The following TMOD2 variants were observed in gnomAD, a reference collection of about 807,000 sequenced individuals.
The protein encoded by TMOD2 is tropomodulin-2.
In TMOD2, 22 loss-of-function variants were observed where a neutral mutation model predicts 39.9. That is an observed-to-expected ratio of 0.55 (90% CI 0.39 to 0.79). The LOEUF is 0.79. Among genes scored for constraint, TMOD2 ranks in the 30% least tolerant of loss-of-function variants. The probability of loss-of-function intolerance (pLI) is 0.00; values close to 1 mark genes in which losing one functional copy is unlikely to be tolerated. For missense variants in TMOD2, 386 were observed against 413.3 expected (o/e 0.93, Z 0.57); for synonymous variants, 123 against 146.1 (o/e 0.84, Z 1.14).
chr15:51,812,905 C>T lies in TMOD2; in HGVS notation c.*4451C>T, dbSNP rs879525455. 6.6e-6 allele frequency: 1 copy of T among 152,164 alleles called. No individual in the cohort carries two copies. The highest frequency in any genetic ancestry group is 6.6e-5 in the Admixed American group (1 of 15,252). The allele number at this position is 152,164 out of a possible 1,614,324, so 9.4% of individuals were successfully genotyped here. On this transcript the variant is annotated 3_prime_UTR_variant, in exon 10 of 10. Transcript: ENST00000249700. ...CTCTTATTGCTTTCATCTCAAATAT[C>T]CCTGCTACTCAACCAATCCTAAAGC... is the stretch of plus-strand genomic sequence containing the variant.
chr15:51,755,307 C>A (rs966317547), intron 1 of TMOD2, among the ~76,000 whole-genome samples: 1 of 152,226 alleles, frequency 6.6e-6, no homozygotes, highest in African/African-American at 2.4e-5. Flanking sequence ...TTCAGCACAA[C>A]CTTCCTTAAA....
intron 5 of TMOD2, 99 bp downstream of exon 5, chr15:51,777,117 T>C: frequency 1.0e-6 from 1 of 983,724 alleles, no homozygotes; most frequent in Non-Finnish European, 1.6e-6. Flanking sequence ...TTACACTCTG[T>C]CATTTTGCTA....
chr15:51,770,205 T>A (rs1239594219), intron 3 of TMOD2, among the ~76,000 whole-genome samples: 1 of 152,154 alleles, frequency 6.6e-6, no homozygotes, highest in African/African-American at 2.4e-5. Flanking sequence ...CCTGCTGAGT[T>A]CTTTTCCTCT....
chr15:51,771,737 T>C (rs548509809), intron 3 of TMOD2, among the ~76,000 whole-genome samples: 2 of 152,272 alleles, frequency 1.3e-5, no homozygotes, highest in South Asian at 2.1e-4. Flanking sequence ...AGAAAGAAAA[T>C]GTTTCAGGCC....
chr15:51,808,827 A>G lies in TMOD2; in HGVS notation c.*373A>G, dbSNP rs1213591138. The stretch of plus-strand genomic sequence containing the variant: ...ATATGTGTTTGTAACTGTGATTATG[A>G]TAGAGGCCTATCTCTGTTTACATGC... On this transcript the variant is annotated 3_prime_UTR_variant, in exon 10 of 10. Transcript: ENST00000249700. 1.2e-5 allele frequency: 2 copies of G among 173,450 alleles called. No individual in the cohort carries two copies. Among genetic ancestry groups the G allele is most frequent in the Non-Finnish European group, 2.5e-5 (2 of 81,280 alleles). The allele number at this position is 173,450 out of a possible 1,614,324, so 10.7% of individuals were successfully genotyped here.
At chr15:51,780,546 T>C (rs2055922655) in intron 5 of TMOD2, among the ~76,000 whole-genome samples, 1 of 152,214 alleles carries the variant, frequency 6.6e-6, no homozygotes, top group Admixed American at 6.5e-5. Flanking sequence ...ATTCTTCCAT[T>C]CTTCTTTTTT....
Position 51,782,784 on chromosome 15 carries a change from A to T in TMOD2, c.688A>T (p.Lys230Ter). 1 of 1,614,076 alleles carries T rather than the reference A, an allele frequency of 6.2e-7. No homozygotes were observed. Residue 230 changes from lysine to a stop codon, truncating the protein, a stop_gained, in exon 7 of 10, where the codon AAG (lysine) becomes TAG (stop). Coordinates refer to ENST00000249700, the MANE Select transcript of TMOD2 (RefSeq NM_014548.4). LOFTEE classifies it high-confidence loss of function. The stretch of plus-strand genomic sequence containing the variant: ...TCTGGAGACCAACACTCACGTGAAG[A>T]AGTTCAGCCTGGCCGCAACTCGCAG... ...KALETNTHVK[K>*]FSLAATRSND...
chr15:51,761,084 G>A (rs1179583765), intron 1 of TMOD2, among the ~76,000 whole-genome samples: 5 of 152,200 alleles, frequency 3.3e-5, no homozygotes, highest in African/African-American at 9.7e-5. Flanking sequence ...GCCATTGTAA[G>A]TTCTTAACCA....
chr15:51,794,424 G>C (rs1435223278), intron 7 of TMOD2, among the ~76,000 whole-genome samples: 1 of 152,088 alleles, frequency 6.6e-6, no homozygotes, highest in Non-Finnish European at 1.5e-5. Context: ...TTGTCTTTAT[G>C]ACTTTAATTA....
intron 1 of TMOD2, among the ~76,000 whole-genome samples, chr15:51,758,225 A>G (rs1381660801): frequency 6.6e-6 from 1 of 152,164 alleles, no homozygotes; most frequent in Non-Finnish European, 1.5e-5. Flanking sequence ...ATTTGTTTTA[A>G]CAGCTACTGT....
intron 7 of TMOD2, among the ~76,000 whole-genome samples, chr15:51,792,165 A>G (rs1401748484): frequency 6.6e-6 from 1 of 152,260 alleles, no homozygotes; most frequent in Admixed American, 6.5e-5. Flanking sequence ...CAAATTTACA[A>G]GAAAAAAGCA....
intron 6 of TMOD2, among the ~76,000 whole-genome samples, 187 bp downstream of exon 6, chr15:51,781,361 A>G (rs796184397): frequency 1.2e-4 from 18 of 152,372 alleles, no homozygotes; most frequent in African/African-American, 4.3e-4. Context: ...TTTGAAAAGA[A>G]TCACCATACC....
intron 7 of TMOD2, among the ~76,000 whole-genome samples, chr15:51,792,378 G>T (rs564586907): frequency 6.6e-6 from 1 of 152,288 alleles, no homozygotes; most frequent in East Asian, 1.9e-4. Flanking sequence ...TGCTGGAGAG[G>T]TTGTGGAAAA....
At chr15:51,770,589 C>T (rs2055846869) in intron 3 of TMOD2, among the ~76,000 whole-genome samples, 1 of 152,128 alleles carries the variant, frequency 6.6e-6, no homozygotes, top group African/African-American at 2.4e-5. Flanking sequence ...AATGCCGAGG[C>T]TGCCCTCTGT....
In TMOD2 at chr15:51,758,714, A is replaced by T. The variant is rs528927312; in HGVS notation, c.-70+7002A>T. On this transcript the variant is annotated intron_variant, in intron 1 of 9. Transcript: ENST00000249700. ...GAACAGATGTGATTAAAGGGGTAGC[A>T]TGGAGATGGGGAGTGACCCAGACCT... Among the ~76,000 whole-genome samples, 3 of 152,350 alleles carry T rather than the reference A, an allele frequency of 2.0e-5. No individual in the cohort carries two copies. The South Asian group carries it at 6.2e-4, about 32-fold the overall frequency.
chr15:51,760,107 A>G (rs2055770640), intron 1 of TMOD2, among the ~76,000 whole-genome samples: 1 of 152,234 alleles, frequency 6.6e-6, no homozygotes, highest in Non-Finnish European at 1.5e-5. Context: ...CAAACAGAAG[A>G]CAGCCAGAAC....
Position 51,809,438 on chromosome 15 carries a change from G to A in TMOD2, c.*984G>A, listed in dbSNP as rs931519313. On this transcript the variant is annotated 3_prime_UTR_variant, in exon 10 of 10. Transcript: ENST00000249700. ...ATTCAGGTTAATTATCTAGATTTTT[G>A]TCCACAGTATATGATCCATCCAGAC... 7 of 152,438 alleles carry A rather than the reference G, an allele frequency of 4.6e-5. No individual in the cohort carries two copies. The highest frequency in any genetic ancestry group is 2.1e-4 in the South Asian group (1 of 4,832). The allele number at this position is 152,438 out of a possible 1,614,324, so 9.4% of individuals were successfully genotyped here.
intron 4 of TMOD2, among the ~76,000 whole-genome samples, chr15:51,775,578 T>C (rs1041693024): frequency 9.2e-5 from 12 of 130,910 alleles, no homozygotes; most frequent in African/African-American, 2.6e-4. Context: ...TCCTTTTTTT[T>C]TTTTTTTTTT....
intron 8 of TMOD2, among the ~76,000 whole-genome samples, chr15:51,802,918 T>C (rs1358413686): frequency 6.6e-6 from 1 of 152,216 alleles, no homozygotes; most frequent in Non-Finnish European, 1.5e-5. Flanking sequence ...GAGATAAGCC[T>C]TAAACTTGCT....
Sources: gnomAD v4.1 joint callset for allele counts (sites outside exome capture counted in the v4.1 genomes callset) on GRCh38, gnomAD v4.1.1 for gene constraint, MANE v1.5 for transcripts, NCBI Gene and HGNC (gene_info 2026-07-23, HGNC 2026-07-21) for gene names.